The following CA10 variants were observed in gnomAD, a reference collection of about 807,000 sequenced individuals.
CA10 encodes carbonic anhydrase 10 (inactive), also known as carbonic anhydrase-related protein 10.
CA10 carries 14 observed loss-of-function variants against 44.2 expected under a neutral mutation model. That is an observed-to-expected ratio of 0.32 (90% CI 0.21 to 0.50). The LOEUF is 0.50. Among genes scored for constraint, CA10 ranks in the 20% least tolerant of loss-of-function variants. CA10 has a pLI of 0.99. For synonymous variants in CA10, 159 were observed against 141.6 expected (o/e 1.12, Z -0.87); for missense variants, 350 against 409.7 (o/e 0.85, Z 1.26).
chr17:51,934,157 G>A (rs945526960), intron 2 of CA10, among the ~76,000 whole-genome samples: 8 of 152,106 alleles, frequency 5.3e-5, no homozygotes, highest in African/African-American at 1.9e-4. Flanking sequence ...CTGGATGGCT[G>A]ATTTTAAATC....
intron 3 of CA10, among the ~76,000 whole-genome samples, chr17:51,777,774 C>CA (rs1468075852): frequency 6.6e-6 from 1 of 152,032 alleles, no homozygotes; most frequent in African/African-American, 2.4e-5. Flanking sequence ...TTACAAAAAG[C>CA]AAAAATATTT....
chr17:51,905,526 CT>C (rs34606778), intron 3 of CA10, among the ~76,000 whole-genome samples: 14,394 of 99,784 alleles, frequency 0.14, 1,696 homozygotes, highest in African/African-American at 0.41. Context: ...CCTATCAGTC[CT>C]TTTTTTTTTT....
chr17:52,111,213 G>A (rs1299793784), intron 1 of CA10, among the ~76,000 whole-genome samples: 3 of 152,044 alleles, frequency 2.0e-5, no homozygotes, highest in African/African-American at 4.8e-5. Flanking sequence ...TATGTATGAC[G>A]CTCACTTAAC....
At chr17:51,650,227 T>G (rs1010972974) in intron 5 of CA10, among the ~76,000 whole-genome samples, 4 of 152,222 alleles carry the variant, frequency 2.6e-5, no homozygotes, top group Non-Finnish European at 5.9e-5. Context: ...AAACACCTGT[T>G]TACTCAGCCT....
intron 2 of CA10, among the ~76,000 whole-genome samples, chr17:51,974,399 C>CA (rs910068331): frequency 1.2e-4 from 8 of 64,120 alleles, no homozygotes; most frequent in Admixed American, 6.3e-4. Context: ...AAAAAAAAAA[C>CA]AAAAACAAAA....
At chr17:51,999,330 A>G (rs1985343175) in intron 2 of CA10, among the ~76,000 whole-genome samples, 1 of 152,056 alleles carries the variant, frequency 6.6e-6, no homozygotes, top group Non-Finnish European at 1.5e-5. Flanking sequence ...ATTGAAAATG[A>G]AGGATATGTG....
intron 3 of CA10, among the ~76,000 whole-genome samples, chr17:51,829,407 T>C (rs1412121846): frequency 1.3e-5 from 2 of 152,162 alleles, no homozygotes; most frequent in Non-Finnish European, 2.9e-5. Flanking sequence ...GAGGCTGTGT[T>C]CCATGGGGGT....
chr17:52,085,816 T>C (rs555051617), intron 1 of CA10, among the ~76,000 whole-genome samples: 1 of 152,346 alleles, frequency 6.6e-6, no homozygotes, highest in Admixed American at 6.5e-5. Flanking sequence ...CTATCTGCTC[T>C]TGGTGATGTT....
intron 2 of CA10, among the ~76,000 whole-genome samples, chr17:51,946,520 G>A (rs1983278769): frequency 6.6e-6 from 1 of 152,058 alleles, no homozygotes; most frequent in African/African-American, 2.4e-5. Flanking sequence ...TGTTTTCTGT[G>A]GCTCCTCATC....
chr17:51,789,916 C>T (rs1347935289), intron 3 of CA10, among the ~76,000 whole-genome samples: 1 of 152,162 alleles, frequency 6.6e-6, no homozygotes, highest in Non-Finnish European at 1.5e-5. Flanking sequence ...CGGTGATGTC[C>T]CTAGACCTCT....
At position 51,665,280 on chromosome 17, in the gene CA10, T is replaced by C. The variant is rs572643770; in HGVS notation, c.466-11544A>G. Reference sequence around the variant, plus strand: ...TCAAAGCCATTAAACCCGCAGTGGATTGACTGTAGGGGATGAATATTAGAA... The same window carrying C: ...TCAAAGCCATTAAACCCGCAGTGGACTGACTGTAGGGGATGAATATTAGAA... On this transcript the variant is annotated intron_variant, in intron 4 of 8. Transcript: ENST00000451037. 7.2e-5 allele frequency among the ~76,000 whole-genome samples: 11 copies of C among 151,916 alleles called. No homozygotes were observed. The South Asian group carries it at 1.0e-3, about 14-fold the overall frequency.
intron 3 of CA10, among the ~76,000 whole-genome samples, chr17:51,926,886 A>G (rs868618782): frequency 6.6e-6 from 1 of 152,220 alleles, no homozygotes; most frequent in African/African-American, 2.4e-5. Context: ...GGAAGGGGAC[A>G]TTATTCTGTC....
At chr17:51,727,762 G>A (rs1916576404) in intron 4 of CA10, among the ~76,000 whole-genome samples, 1 of 151,816 alleles carries the variant, frequency 6.6e-6, no homozygotes, top group African/African-American at 2.4e-5. Context: ...AATATTTATT[G>A]AGTGCCTATT....
intron 4 of CA10, among the ~76,000 whole-genome samples, chr17:51,664,785 G>T (rs750213578): frequency 6.6e-6 from 1 of 152,148 alleles, no homozygotes; most frequent in Non-Finnish European, 1.5e-5. Context: ...ACAATGCGAA[G>T]TTTTATCCTC....
At chr17:51,794,215 A>T (rs758101873) in intron 3 of CA10, among the ~76,000 whole-genome samples, 8 of 152,250 alleles carry the variant, frequency 5.3e-5, no homozygotes, top group Non-Finnish European at 1.0e-4. Context: ...TTCTGGTTCC[A>T]TTGTGAACAA....
rs144713813 is a variant in CA10 at position 51,744,407 on chromosome 17, C to T, written c.465+3226G>A. On this transcript the variant is annotated intron_variant, in intron 4 of 8. Transcript: ENST00000451037. ...TTCCCCTGCTCATTCGAATGTGAGT[C>T]ACCTTTATGGAGTCACCAAATTCTG... Among the ~76,000 whole-genome samples the T allele has an allele frequency of 2.6e-5, 4 of 152,024 alleles. No individual in the cohort carries two copies. The East Asian group carries it at 7.7e-4, about 29-fold the overall frequency.
intron 4 of CA10, among the ~76,000 whole-genome samples, chr17:51,728,135 C>T (rs967087619): frequency 6.6e-6 from 1 of 152,114 alleles, no homozygotes; most frequent in Non-Finnish European, 1.5e-5. Context: ...CAAGTGATCC[C>T]TGCCTTAGCC....
chr17:51,656,712 T>C (rs1316793008), intron 4 of CA10, among the ~76,000 whole-genome samples: 1 of 152,234 alleles, frequency 6.6e-6, no homozygotes, highest in Non-Finnish European at 1.5e-5. Flanking sequence ...TAGGAGCTTG[T>C]TAGAAATGCA....
intron 1 of CA10, among the ~76,000 whole-genome samples, chr17:52,112,069 A>T (rs554956024): frequency 3.3e-5 from 5 of 152,256 alleles, no homozygotes; most frequent in African/African-American, 1.2e-4. Flanking sequence ...TGAATGCCTA[A>T]AGACTAGTTG....
Sources: allele counts gnomAD v4.1 joint callset (sites outside exome capture counted in the v4.1 genomes callset), GRCh38; gene constraint gnomAD v4.1.1; transcripts MANE v1.5; gene names NCBI Gene and HGNC (gene_info 2026-07-23, HGNC 2026-07-21).